The following MS4A13 variants were observed in gnomAD, a reference collection of about 807,000 sequenced individuals.
The protein encoded by MS4A13 is membrane spanning 4-domains A13.
In MS4A13, 21 loss-of-function variants were observed where a neutral mutation model predicts 18.4. That is an observed-to-expected ratio of 1.14 (90% CI 0.81 to 1.64). MS4A13 has a LOEUF of 1.64. MS4A13 is among the 40% of genes most tolerant of loss of function. The pLI is 0.00. For missense variants in MS4A13, 173 were observed against 176.8 expected, an observed-to-expected ratio of 0.98 and a Z score of 0.12; for synonymous variants, 62 against 57.2, an observed-to-expected ratio of 1.08 and a Z score of -0.38.
chr11:60,525,686 A>T (rs2086709052), intron 5 of MS4A13, among the ~76,000 whole-genome samples: 1 of 152,208 alleles, frequency 6.6e-6, no homozygotes. Flanking sequence ...TCTGCTACTG[A>T]CACATATGGT....
chr11:60,527,398 C>G (rs1458879009), intron 5 of MS4A13, among the ~76,000 whole-genome samples: 2,943 of 90,908 alleles, frequency 0.032, 71 homozygotes, highest in African/African-American at 0.12. Context: ...CTCTCTCTCT[C>G]TCTCTCTCTC....
In MS4A13 at chr11:60,522,413, T is replaced by G. The variant is rs2086683663; in HGVS notation, c.130-1484T>G. On this transcript the variant is annotated intron_variant, in intron 3 of 6. Coordinates refer to ENST00000378186, the MANE Select transcript of MS4A13 (RefSeq NM_001012417.3). ...AATAGATTACTTAAACCATGAAGGA[T>G]AGTGAGTTATAGAAACTGACATGTG... Among the ~76,000 whole-genome samples, 3 of 151,926 alleles carry G rather than the reference T, an allele frequency of 2.0e-5. No homozygotes were observed. The South Asian group carries it at 6.2e-4, about 32-fold the overall frequency.
At chr11:60,542,758 T>G (rs2086871669), downstream of MS4A13, 1 of 446,838 alleles carries the variant, frequency 2.2e-6, no homozygotes, top group African/African-American at 2.0e-5. Flanking sequence ...GCAAGGAAAG[T>G]TTTTCCCTAT....
chr11:60,521,228 T>G (rs1055436695), intron 3 of MS4A13, among the ~76,000 whole-genome samples: 1 of 152,244 alleles, frequency 6.6e-6, no homozygotes, highest in East Asian at 1.9e-4. Flanking sequence ...ATCTCAGACA[T>G]GCCCTGGAGA....
At chr11:60,516,712 A>T (rs2086640055) in intron 2 of MS4A13, among the ~76,000 whole-genome samples, 1 of 152,050 alleles carries the variant, frequency 6.6e-6, no homozygotes, top group Admixed American at 6.6e-5. Context: ...GACCTCCTGG[A>T]ACTCATATTG....
rs753493897 is a variant in MS4A13, at chr11:60,518,110, G to A, written c.27G>A (p.Met9Ile). ...TGATTGGCATCTTTCACATTTTCATGTGGTACTTTCTATTGGTTTTGTATA... is the reference window on the plus strand; with the variant it reads ...TGATTGGCATCTTTCACATTTTCATATGGTACTTTCTATTGGTTTTGTATA... The part of the protein sequence containing the change: MIGIFHIF[M>I]WYFLLVLYMG... Residue 9 changes from methionine to isoleucine, a missense_variant, in exon 3 of 7, where the codon ATG becomes ATA. Transcript: ENST00000378186. 1.9e-6 allele frequency: 3 copies of A among 1,605,444 alleles called. No homozygotes were observed. The highest frequency in any genetic ancestry group is 1.7e-5 in the Admixed American group (1 of 59,818).
chr11:60,522,456 A>G (rs1206710483), intron 3 of MS4A13, among the ~76,000 whole-genome samples: 1 of 152,062 alleles, frequency 6.6e-6, no homozygotes, highest in African/African-American at 2.4e-5. Context: ...GGTGGAGGAG[A>G]AAGAATGGTT....
rs1555024373 is a variant in MS4A13, at chr11:60,527,410, C to CTCTGTGTGTGTGTGTGTG, written c.307-1954_307-1953insCTGTGTGTGTGTGTGTGT. ...TCTCTCTCTCTCTCTCTCTCTCTCT[C>CTCTGTGTGTGTGTGTGTG]TGTGTGTGTGTGTGTGTGTGTGTGT... On this transcript the variant is annotated intron_variant, in intron 5 of 6. Coordinates refer to ENST00000378186, the MANE Select transcript of MS4A13 (RefSeq NM_001012417.3). Among the ~76,000 whole-genome samples, 58 of 28,806 alleles carry CTCTGTGTGTGTGTGTGTG rather than the reference C, an allele frequency of 2.0e-3. 2 individuals carry two copies. The highest frequency in any genetic ancestry group is 3.1e-3 in the Non-Finnish European group (55 of 17,648). The allele number at this position is 28,806 out of a possible 152,430, so 18.9% of individuals were successfully genotyped here. A position where few individuals can be genotyped will look rare whatever the true frequency, so the allele number is the denominator to read the frequency against.
chr11:60,519,714 T>C (rs1304923367), intron 3 of MS4A13, among the ~76,000 whole-genome samples: 1 of 152,202 alleles, frequency 6.6e-6, no homozygotes, highest in Non-Finnish European at 1.5e-5. Flanking sequence ...TGTTTAGCTG[T>C]GCAACTATAA....
intron 6 of MS4A13, among the ~76,000 whole-genome samples, chr11:60,532,206 T>C (rs1565214383): frequency 6.6e-6 from 1 of 152,158 alleles, no homozygotes; most frequent in South Asian, 2.1e-4. Flanking sequence ...GGTCTACAGC[T>C]CCCAGCATGA....
chr11:60,522,235 G>GTATATATATATATCT (rs1555023672), intron 3 of MS4A13, among the ~76,000 whole-genome samples: 1,161 of 112,156 alleles, frequency 0.01, 15 homozygotes, highest in African/African-American at 0.038. Flanking sequence ...TAGATAGATA[G>GTATATATATATATCT]ATAGATGTAT....
intron 6 of MS4A13, among the ~76,000 whole-genome samples, 176 bp downstream of exon 6, chr11:60,529,636 T>A (rs2086749606): frequency 6.6e-6 from 1 of 152,154 alleles, no homozygotes; most frequent in African/African-American, 2.4e-5. Flanking sequence ...ATTATAACAG[T>A]AATACATGAA....
At chr11:60,521,558 T>A (rs1346760968) in intron 3 of MS4A13, among the ~76,000 whole-genome samples, 2 of 152,064 alleles carry the variant, frequency 1.3e-5, no homozygotes, top group Non-Finnish European at 2.9e-5. Flanking sequence ...ATAACAAGAG[T>A]CACCTTGCTC....
At chr11:60,538,867 G>T (rs1408974633) in intron 6 of MS4A13, among the ~76,000 whole-genome samples, 1 of 131,494 alleles carries the variant, frequency 7.6e-6, no homozygotes. Context: ...TCATGATAAG[G>T]GTTGAATGCA....
chr11:60,535,346 C>A (rs1310999493), intron 6 of MS4A13, among the ~76,000 whole-genome samples: 1 of 66,898 alleles, frequency 1.5e-5, no homozygotes, highest in Non-Finnish European at 2.7e-5. Context: ...GGGGATATCA[C>A]CACCAATCCC....
chr11:60,542,441 T>G (rs1374696438), intron 6 of MS4A13, 78 bp from the exon 7 acceptor site: 1 of 985,158 alleles, frequency 1.0e-6, no homozygotes. Context: ...CCTGTATTTT[T>G]TAAGAAAAAG....
At chr11:60,532,657 G>A (rs1369396757) in intron 6 of MS4A13, among the ~76,000 whole-genome samples, 1 of 151,330 alleles carries the variant, frequency 6.6e-6, no homozygotes, top group East Asian at 2.0e-4. Flanking sequence ...GCTCGAACTG[G>A]GTGGAGCCCA....
At chr11:60,543,145 C>T (rs2135276916), downstream of MS4A13, among the ~76,000 whole-genome samples, 1 of 152,242 alleles carries the variant, frequency 6.6e-6, no homozygotes, top group South Asian at 2.1e-4. Context: ...TTGCTTCTTT[C>T]TTCTTATCAT....
chr11:60,529,952 CAA>C (rs1555024730), intron 6 of MS4A13, among the ~76,000 whole-genome samples: 1 of 152,158 alleles, frequency 6.6e-6, no homozygotes, highest in African/African-American at 2.4e-5. Flanking sequence ...AAATTATAAA[CAA>C]TGATGCAGTG....
Sources: gnomAD v4.1 joint callset for allele counts (sites outside exome capture counted in the v4.1 genomes callset) on GRCh38, gnomAD v4.1.1 for gene constraint, MANE v1.5 for transcripts, NCBI Gene and HGNC (gene_info 2026-07-23, HGNC 2026-07-21) for gene names.